ATG10: variants seen among roughly 807,000 people sequenced by gnomAD.
ATG10 encodes the protein ubiquitin-like-conjugating enzyme ATG10.
A neutral mutation model predicts 32.1 loss-of-function variants in ATG10; 30 were observed. The ratio of observed to expected loss-of-function variants is 0.94; its 90% CI spans 0.70 to 1.27. The LOEUF is 1.27. Among genes scored for constraint, ATG10 ranks in the 50% most tolerant of loss-of-function variants. The pLI is 0.00. For missense variants in ATG10, 233 were observed against 262.3 expected, an observed-to-expected ratio of 0.89 and a Z score of 0.77; for synonymous variants, 87 against 91.5, an observed-to-expected ratio of 0.95 and a Z score of 0.28.
rs151312545 is a variant in ATG10 at position 82,171,103 on chromosome 5, T to C, written c.355+6566T>C. On this transcript the variant is annotated intron_variant, in intron 4 of 7. Coordinates refer to ENST00000282185, the MANE Select transcript of ATG10 (RefSeq NM_031482.5). ...CCCAATGTTGCTTCCCTTGGGACCA[T>C]TTTCTGATTCAGAGGTTCATCAAAA... is the stretch of plus-strand genomic sequence containing the variant. Among the ~76,000 whole-genome samples, 239 of 152,292 alleles carry C rather than the reference T, an allele frequency of 1.6e-3. 2 individuals carry two copies. The highest frequency in any genetic ancestry group is 5.4e-3 in the African/African-American group (223 of 41,566).
intron 2 of ATG10, among the ~76,000 whole-genome samples, chr5:82,041,890 T>C (rs1442452092): frequency 6.6e-6 from 1 of 152,210 alleles, no homozygotes; most frequent in Non-Finnish European, 1.5e-5. Context: ...TCCTGTTAAT[T>C]ATATCCAGTA....
chr5:82,038,656 G>GCTA (rs1351091846), intron 2 of ATG10, among the ~76,000 whole-genome samples: 1 of 152,184 alleles, frequency 6.6e-6, no homozygotes, highest in Non-Finnish European at 1.5e-5. Flanking sequence ...CCGAGCAGAA[G>GCTA]CTATATTCTA....
At chr5:82,044,536 G>A (rs185896042) in intron 2 of ATG10, among the ~76,000 whole-genome samples, 13 of 151,948 alleles carry the variant, frequency 8.6e-5, no homozygotes, top group African/African-American at 3.1e-4. Flanking sequence ...GACATTGTGA[G>A]TGCTGGATTT....
intron 2 of ATG10, among the ~76,000 whole-genome samples, chr5:82,054,381 C>T (rs573817060): frequency 3.9e-4 from 60 of 152,230 alleles, no homozygotes; most frequent in African/African-American, 1.3e-3. Flanking sequence ...TGAGATTCTG[C>T]CTGTCTGTCT....
intron 3 of ATG10, among the ~76,000 whole-genome samples, chr5:82,098,288 ATTG>A (rs1312401490): frequency 1.5e-5 from 2 of 136,688 alleles, no homozygotes; most frequent in Non-Finnish European, 3.2e-5. Flanking sequence ...TAAACATTTT[ATTG>A]TTAATATTGT....
At chr5:82,158,830 A>G (rs1304651632) in intron 3 of ATG10, among the ~76,000 whole-genome samples, 3 of 152,196 alleles carry the variant, frequency 2.0e-5, no homozygotes, top group Non-Finnish European at 4.4e-5. Flanking sequence ...ACTACAGTAC[A>G]AAGAGCAGTG....
chr5:82,115,717 C>T (rs144954284), intron 3 of ATG10, among the ~76,000 whole-genome samples: 1 of 152,156 alleles, frequency 6.6e-6, no homozygotes, highest in East Asian at 1.9e-4. Flanking sequence ...ACATTTCCTT[C>T]TTGTATGGTA....
chr5:82,139,019 G>T (rs1487157755), intron 3 of ATG10, among the ~76,000 whole-genome samples: 1 of 150,752 alleles, frequency 6.6e-6, no homozygotes, highest in African/African-American at 2.4e-5. Flanking sequence ...CGCCTGACTG[G>T]TTTTGGTGGA....
intron 3 of ATG10, among the ~76,000 whole-genome samples, chr5:82,072,827 T>C (rs1267323242): frequency 6.6e-6 from 1 of 152,166 alleles, no homozygotes; most frequent in Non-Finnish European, 1.5e-5. Flanking sequence ...AGGAAACCTG[T>C]GATAGACTGA....
At chr5:82,073,634 A>G (rs990755763) in intron 3 of ATG10, 1 of 152,190 alleles carries the variant, frequency 6.6e-6, no homozygotes, top group African/African-American at 2.4e-5. Context: ...GTAAGCATGT[A>G]TGGGTGTGGA....
At chr5:82,145,789 C>A (rs538332836) in intron 3 of ATG10, among the ~76,000 whole-genome samples, 2 of 151,990 alleles carry the variant, frequency 1.3e-5, no homozygotes, top group Non-Finnish European at 2.9e-5. Flanking sequence ...TCACTGCAAC[C>A]TCTGCCTCCT....
intron 4 of ATG10, among the ~76,000 whole-genome samples, chr5:82,171,344 A>AT (rs1276757595): frequency 1.3e-5 from 2 of 152,288 alleles, no homozygotes; most frequent in East Asian, 3.9e-4. Flanking sequence ...GTTAACATCT[A>AT]TTTTTTCTAT....
At chr5:82,234,972 C>G (rs1415751482) in intron 5 of ATG10, among the ~76,000 whole-genome samples, 1 of 152,212 alleles carries the variant, frequency 6.6e-6, no homozygotes, top group Non-Finnish European at 1.5e-5. Flanking sequence ...TATGTTTGTG[C>G]TGTTCCACTT....
chr5:82,080,144 G>T (rs934157642), intron 3 of ATG10, among the ~76,000 whole-genome samples: 11 of 152,132 alleles, frequency 7.2e-5, no homozygotes, highest in Admixed American at 2.0e-4. Flanking sequence ...TCATGTGTCT[G>T]TTGGCTGCAT....
At chr5:82,131,073 G>T (rs72776877) in intron 3 of ATG10, among the ~76,000 whole-genome samples, 2 of 151,976 alleles carry the variant, frequency 1.3e-5, no homozygotes, top group African/African-American at 4.8e-5. Flanking sequence ...GGACTAGTAG[G>T]GGGTGGAAGG....
intron 5 of ATG10, among the ~76,000 whole-genome samples, chr5:82,192,326 T>C (rs934272151): frequency 3.3e-5 from 5 of 152,234 alleles, no homozygotes; most frequent in African/African-American, 9.6e-5. Context: ...GAAAGTCATC[T>C]AGAATTTGTT....
At chr5:82,047,443 T>G (rs1763266536) in intron 2 of ATG10, among the ~76,000 whole-genome samples, 2 of 152,244 alleles carry the variant, frequency 1.3e-5, no homozygotes, top group Non-Finnish European at 2.9e-5. Flanking sequence ...TGTTTAAACT[T>G]ACTTTTGATG....
At chr5:82,109,577 T>A (rs1307880438) in intron 3 of ATG10, among the ~76,000 whole-genome samples, 2 of 151,894 alleles carry the variant, frequency 1.3e-5, no homozygotes, top group African/African-American at 4.8e-5. Context: ...TTTATTTGAT[T>A]TTTTATGAGA....
intron 5 of ATG10, among the ~76,000 whole-genome samples, chr5:82,245,617 T>A (rs368600495): frequency 1.3e-5 from 2 of 152,304 alleles, no homozygotes; most frequent in East Asian, 3.9e-4. Context: ...ATCAGAAGAT[T>A]TAATGTTTGA....
Sources: allele counts gnomAD v4.1 joint callset (sites outside exome capture counted in the v4.1 genomes callset), GRCh38; gene constraint gnomAD v4.1.1; transcripts MANE v1.5; gene names NCBI Gene and HGNC (gene_info 2026-07-23, HGNC 2026-07-21).